Variants in ANO10 observed in about 807,000 individuals in gnomAD.
The protein encoded by ANO10 is anoctamin 10, also known as anoctamin-10.
Under a neutral mutation model 74.7 loss-of-function variants are expected in ANO10, and 77 were observed. The observed-to-expected ratio is 1.03, with a 90% confidence interval of 0.86 to 1.25. ANO10 has a LOEUF of 1.25. ANO10 is among the 50% of genes most tolerant of loss of function. The pLI is 0.00. For synonymous variants in ANO10, 279 were observed against 284.9 expected, an observed-to-expected ratio of 0.98 and a Z score of 0.21; for missense variants, 721 against 778.1, an observed-to-expected ratio of 0.93 and a Z score of 0.87.
chr3:43,590,203 T>C (rs1001533581), intron 4 of ANO10, among the ~76,000 whole-genome samples: 1 of 152,226 alleles, frequency 6.6e-6, no homozygotes, highest in Non-Finnish European at 1.5e-5. Context: ...ACAGTACAGA[T>C]GATAAACCCT....
intron 11 of ANO10, among the ~76,000 whole-genome samples, chr3:43,494,014 G>A (rs1459187641): frequency 1.6e-4 from 24 of 152,096 alleles, no homozygotes; most frequent in Non-Finnish European, 2.9e-5. Context: ...GGCATTACAG[G>A]CATAAGCCAC....
intron 9 of ANO10, among the ~76,000 whole-genome samples, chr3:43,560,472 T>C (rs1425653472): frequency 6.6e-6 from 1 of 152,120 alleles, no homozygotes; most frequent in Admixed American, 6.5e-5. Flanking sequence ...AACAAGACTA[T>C]GAAAGTTTCA....
At chr3:43,552,606 A>G (rs2079518584) in intron 10 of ANO10, among the ~76,000 whole-genome samples, 1 of 150,994 alleles carries the variant, frequency 6.6e-6, no homozygotes, top group Admixed American at 6.6e-5. Flanking sequence ...CTATTCTCTT[A>G]GGATAGGTGT....
chr3:43,466,613 T>A (rs1414435508), intron 11 of ANO10, among the ~76,000 whole-genome samples: 1 of 152,076 alleles, frequency 6.6e-6, no homozygotes, highest in Non-Finnish European at 1.5e-5. Flanking sequence ...TAAACAAAAA[T>A]TAACTTGAAA....
At chr3:43,424,084 A>C (rs1284606228) in intron 12 of ANO10, among the ~76,000 whole-genome samples, 1 of 152,090 alleles carries the variant, frequency 6.6e-6, no homozygotes, top group Non-Finnish European at 1.5e-5. Context: ...AATGGGTCTT[A>C]CTCACATTGC....
intron 1 of ANO10, among the ~76,000 whole-genome samples, chr3:43,643,963 C>A (rs148456331): frequency 6.6e-6 from 1 of 152,114 alleles, no homozygotes; most frequent in Non-Finnish European, 1.5e-5. Context: ...GGATTACATG[C>A]GTGAGCCACC....
At chr3:43,651,639 A>G (rs1480196339) in intron 1 of ANO10, among the ~76,000 whole-genome samples, 1 of 152,202 alleles carries the variant, frequency 6.6e-6, no homozygotes, top group African/African-American at 2.4e-5. Flanking sequence ...GCCTTGTCCA[A>G]ACAGGTTTCT....
At chr3:43,662,552 C>T (rs1172652364) in intron 1 of ANO10, among the ~76,000 whole-genome samples, 1 of 151,902 alleles carries the variant, frequency 6.6e-6, no homozygotes. Flanking sequence ...CAAGAAATAA[C>T]TAAGATCACA....
At chr3:43,605,202 C>A (rs9851894) in intron 2 of ANO10, among the ~76,000 whole-genome samples, 94,594 of 151,978 alleles carry the variant, frequency 0.62, 29,940 homozygotes, top group East Asian at 0.89. Context: ...CCTTTCCTTT[C>A]CTTTTACAGT....
At chr3:43,575,994 T>C (rs1379422084) in intron 6 of ANO10, among the ~76,000 whole-genome samples, 1 of 152,206 alleles carries the variant, frequency 6.6e-6, no homozygotes, top group African/African-American at 2.4e-5. Flanking sequence ...TAGGGAATAA[T>C]ATAGCGAATT....
chr3:43,505,309 C>T (rs1330798874), intron 11 of ANO10, among the ~76,000 whole-genome samples: 2 of 152,178 alleles, frequency 1.3e-5, no homozygotes, highest in African/African-American at 2.4e-5. Context: ...TGTCACATCA[C>T]TTTTTCTATG....
At chr3:43,406,840 T>C (rs1365545505) in intron 12 of ANO10, among the ~76,000 whole-genome samples, 1 of 152,154 alleles carries the variant, frequency 6.6e-6, no homozygotes, top group African/African-American at 2.4e-5. Context: ...GACTATCAAC[T>C]GAACACCTGA....
intron 9 of ANO10, among the ~76,000 whole-genome samples, chr3:43,557,550 A>C (rs1559696235): frequency 6.6e-6 from 1 of 151,954 alleles, no homozygotes; most frequent in African/African-American, 2.4e-5. Context: ...CCTGGCTAAC[A>C]TGGTGAAAAC....
intron 6 of ANO10, among the ~76,000 whole-genome samples, chr3:43,576,282 C>A (rs891053968): frequency 3.3e-5 from 5 of 152,038 alleles, no homozygotes; most frequent in African/African-American, 1.2e-4. Flanking sequence ...CGGCATGAAA[C>A]ACAATGTTAT....
At chr3:43,659,152 G>T (rs1186582123) in intron 1 of ANO10, among the ~76,000 whole-genome samples, 1 of 152,180 alleles carries the variant, frequency 6.6e-6, no homozygotes, top group Non-Finnish European at 1.5e-5. Flanking sequence ...GCAAAAGACA[G>T]GTGATTTCTG....
intron 1 of ANO10, among the ~76,000 whole-genome samples, chr3:43,632,026 C>T (rs992805872): frequency 3.4e-5 from 5 of 147,708 alleles, no homozygotes; most frequent in African/African-American, 5.0e-5. Context: ...TGAGCCAACA[C>T]GATGCCACTG....
chr3:43,591,342 T>G (rs1450816432), intron 4 of ANO10, among the ~76,000 whole-genome samples: 2 of 152,162 alleles, frequency 1.3e-5, no homozygotes, highest in Admixed American at 1.3e-4. Context: ...TGCAGCTAAG[T>G]GCCCAGGTTC....
chr3:43,458,858 T>A (rs886770228), intron 11 of ANO10, among the ~76,000 whole-genome samples: 1 of 152,160 alleles, frequency 6.6e-6, no homozygotes, highest in Non-Finnish European at 1.5e-5. Flanking sequence ...CCTCCCTGTG[T>A]CCATGTGTTC....
chr3:43,455,720 C>G (rs2075093941), intron 11 of ANO10, among the ~76,000 whole-genome samples: 1 of 152,258 alleles, frequency 6.6e-6, no homozygotes, highest in Admixed American at 6.5e-5. Context: ...TGATCTTTTC[C>G]TCAGGGTTTC....
Sources: allele counts gnomAD v4.1 joint callset (sites outside exome capture counted in the v4.1 genomes callset), GRCh38; gene constraint gnomAD v4.1.1; transcripts MANE v1.5; gene names NCBI Gene and HGNC (gene_info 2026-07-23, HGNC 2026-07-21).